The following BTAF1 variants were observed in gnomAD, a reference collection of about 807,000 sequenced individuals.
BTAF1 encodes B-TFIID TATA-box binding protein associated factor 1, also known as TATA-binding protein-associated factor 172.
Under a neutral mutation model 227.1 loss-of-function variants are expected in BTAF1, and 38 were observed. The ratio of observed to expected loss-of-function variants is 0.17; its 90% CI spans 0.13 to 0.22. The LOEUF is 0.22. BTAF1 is among the 10% of genes least tolerant of loss of function. BTAF1 has a pLI of 1.00. For synonymous variants in BTAF1, 742 were observed against 751.9 expected (o/e 0.99, Z 0.21); for missense variants, 1,598 against 2,204.0 (o/e 0.73, Z 5.51).
chr10:91,945,205 G>C (rs141766755), intron 4 of BTAF1, among the ~76,000 whole-genome samples: 3 of 151,608 alleles, frequency 2.0e-5, no homozygotes, highest in Non-Finnish European at 4.4e-5. Context: ...ATATTTTCAA[G>C]GTTCATCTAT....
intron 34 of BTAF1, 98 bp from the exon 35 acceptor site, chr10:92,024,658 A>G (rs1851361720): frequency 9.6e-7 from 1 of 1,036,874 alleles, no homozygotes; most frequent in South Asian, 1.6e-5. Context: ...TTTCAGGTAC[A>G]TTTAACCTTT....
At chr10:92,003,880 T>C (rs1024593193) in intron 25 of BTAF1, among the ~76,000 whole-genome samples, 7 of 152,144 alleles carry the variant, frequency 4.6e-5, no homozygotes, top group African/African-American at 1.7e-4. Flanking sequence ...TACGCAAGGG[T>C]TCCTGTTTCT....
intron 34 of BTAF1, among the ~76,000 whole-genome samples, chr10:92,021,942 G>GA (rs1851164412): frequency 1.3e-5 from 2 of 152,170 alleles, no homozygotes; most frequent in African/African-American, 4.8e-5. Flanking sequence ...GAAAAAACGG[G>GA]TAATTTAGCC....
intron 9 of BTAF1, 139 bp downstream of exon 9, chr10:91,959,293 T>G: frequency 6.9e-7 from 1 of 1,451,898 alleles, no homozygotes; most frequent in Non-Finnish European, 9.1e-7. Flanking sequence ...GTAAATATCA[T>G]ACAATGGATT....
At chr10:91,983,999 G>C (rs1848233740) in intron 18 of BTAF1, among the ~76,000 whole-genome samples, 1 of 151,534 alleles carries the variant, frequency 6.6e-6, no homozygotes, top group African/African-American at 2.4e-5. Context: ...TGCATGTTCT[G>C]TAGTCATTCA....
Position 91,938,535 on chromosome 10 carries a change from T to C in BTAF1, c.139-1417T>C, listed in dbSNP as rs563475019. On this transcript the variant is annotated intron_variant, in intron 2 of 37. Coordinates refer to ENST00000265990, the MANE Select transcript of BTAF1 (RefSeq NM_003972.3). ...TGTTGAAAAGACTATTATTTCTCCA[T>C]TGAATTGTCTCAACACCTTTGTTGA... Among the ~76,000 whole-genome samples the C allele has an allele frequency of 2.6e-4, 40 of 152,346 alleles. 1 individual carries two copies. In the South Asian group the frequency reaches 2.9e-3, roughly 11 times the overall value.
At chr10:91,925,732 G>A (rs1159856114) in intron 1 of BTAF1, among the ~76,000 whole-genome samples, 1 of 152,066 alleles carries the variant, frequency 6.6e-6, no homozygotes, top group Admixed American at 6.6e-5. Flanking sequence ...GGATGGTCTC[G>A]ATCTCCTTAC....
chr10:91,974,914 T>G (rs1169040862), intron 14 of BTAF1, among the ~76,000 whole-genome samples: 1 of 152,240 alleles, frequency 6.6e-6, no homozygotes, highest in Non-Finnish European at 1.5e-5. Flanking sequence ...TAACTTTTTT[T>G]TGCTAAACTA....
rs1476251285 is a variant in BTAF1, at chr10:92,028,757, TTA to T, written c.5407-31_5407-30del. On this transcript the variant is annotated intron_variant, in intron 37 of 37. Coordinates refer to ENST00000265990, the MANE Select transcript of BTAF1 (RefSeq NM_003972.3). ...CAATTTGTGAAGTTAACCTCTCATT[TTA>T]TTTTTTTTTTTTTTGCCAATTTTTC... The T allele has an allele frequency of 6.7e-6, 10 of 1,491,564 alleles. No individual in the cohort carries two copies. The African/African-American group carries it at 8.5e-5, about 13-fold the overall frequency. The allele number at this position is 1,491,564 out of a possible 1,614,324, so 92.4% of individuals were successfully genotyped here. A position where few individuals can be genotyped will look rare whatever the true frequency, so the allele number is the denominator to read the frequency against.
chr10:91,958,464 G>A (rs1846255313), intron 8 of BTAF1, among the ~76,000 whole-genome samples: 1 of 152,142 alleles, frequency 6.6e-6, no homozygotes, highest in Admixed American at 6.5e-5. Context: ...CACTTTGGGA[G>A]GCTGAGGCGG....
intron 14 of BTAF1, among the ~76,000 whole-genome samples, chr10:91,979,245 G>A (rs546687061): frequency 6.6e-5 from 10 of 152,106 alleles, no homozygotes; most frequent in South Asian, 2.1e-4. Context: ...GGTTGATTCC[G>A]TGTCTTTGCT....
intron 19 of BTAF1, among the ~76,000 whole-genome samples, chr10:91,988,146 C>G (rs907378685): frequency 1.3e-5 from 2 of 152,228 alleles, no homozygotes; most frequent in Admixed American, 1.3e-4. Context: ...TGTATTCCCA[C>G]AGCAACTTGC....
At chr10:91,984,025 A>G (rs186073200) in intron 18 of BTAF1, among the ~76,000 whole-genome samples, 176 bp from the exon 19 acceptor site, 4 of 152,250 alleles carry the variant, frequency 2.6e-5, no homozygotes, top group African/African-American at 9.6e-5. Flanking sequence ...AAATTTTACA[A>G]TAATTTGGAT....
At chr10:91,979,972 T>C (rs1847957174) in intron 14 of BTAF1, among the ~76,000 whole-genome samples, 1 of 152,236 alleles carries the variant, frequency 6.6e-6, no homozygotes, top group Non-Finnish European at 1.5e-5. Flanking sequence ...ACCTTAATTT[T>C]GTAGTGAACT....
At chr10:91,950,410 T>C (rs1017453254) in intron 4 of BTAF1, among the ~76,000 whole-genome samples, 2 of 151,794 alleles carry the variant, frequency 1.3e-5, no homozygotes, top group African/African-American at 4.8e-5. Context: ...GTTTGTTAGG[T>C]GCAGAGGGTT....
At chr10:91,983,126 G>C (rs1264837062) in intron 18 of BTAF1, among the ~76,000 whole-genome samples, 2 of 152,154 alleles carry the variant, frequency 1.3e-5, no homozygotes, top group Non-Finnish European at 2.9e-5. Context: ...AACTACAAAG[G>C]ATGAGGCTTT....
At chr10:92,003,760 A>G (rs1849704277) in intron 25 of BTAF1, among the ~76,000 whole-genome samples, 1 of 152,242 alleles carries the variant, frequency 6.6e-6, no homozygotes, top group African/African-American at 2.4e-5. Context: ...CTTTGGATAT[A>G]TAACCAAAAG....
chr10:92,016,849 A>G (rs144334270), intron 33 of BTAF1, among the ~76,000 whole-genome samples: 35 of 152,330 alleles, frequency 2.3e-4, no homozygotes, highest in Non-Finnish European at 4.0e-4. Flanking sequence ...ATACGGATCT[A>G]TGTATATTTG....
At chr10:91,990,273 A>G (rs769491513) in intron 20 of BTAF1, among the ~76,000 whole-genome samples, 8 of 152,172 alleles carry the variant, frequency 5.3e-5, no homozygotes, top group Non-Finnish European at 1.0e-4. Context: ...AAATATGTTT[A>G]TGAACTAGAA....
Sources: gnomAD v4.1 joint callset for allele counts (sites outside exome capture counted in the v4.1 genomes callset) on GRCh38, gnomAD v4.1.1 for gene constraint, MANE v1.5 for transcripts, NCBI Gene and HGNC (gene_info 2026-07-23, HGNC 2026-07-21) for gene names.